The following SESTD1 variants were observed in gnomAD, a reference collection of about 807,000 sequenced individuals.
SESTD1 encodes the protein SEC14 and spectrin domain containing 1, also known as SEC14 domain and spectrin repeat-containing protein 1.
SESTD1 carries 43 observed loss-of-function variants against 101.7 expected under a neutral mutation model. The ratio of observed to expected loss-of-function variants is 0.42; its 90% confidence interval spans 0.33 to 0.55. SESTD1 has a LOEUF of 0.55. SESTD1 is among the 20% of genes least tolerant of loss of function. SESTD1 has a pLI of 0.07. For synonymous variants in SESTD1, 283 were observed against 286.8 expected, an observed-to-expected ratio of 0.99 and a Z score of 0.13; for missense variants, 647 against 815.1, an observed-to-expected ratio of 0.79 and a Z score of 2.51.
At position 179,149,449 on chromosome 2, in the gene SESTD1, A is replaced by G. The variant is rs548824699; in HGVS notation, c.484-55T>C. On this transcript the variant is annotated intron_variant, in intron 6 of 17. Transcript: ENST00000428443. ...GAACAGTCTTAAAAATTAATATGTA[A>G]TAAGGATTGTCAGTTAAGAGTAATA... The G allele has an allele frequency of 3.3e-6, 4 of 1,213,558 alleles. No homozygotes were observed. The African/African-American group carries it at 4.7e-5, about 14-fold the overall frequency. The allele number at this position is 1,213,558 out of a possible 1,614,324, so 75.2% of individuals were successfully genotyped here. A position where few individuals can be genotyped will look rare whatever the true frequency, so the allele number is the denominator to read the frequency against.
chr2:179,134,465 G>A (rs2045091833), intron 9 of SESTD1, among the ~76,000 whole-genome samples: 1 of 152,132 alleles, frequency 6.6e-6, no homozygotes, highest in African/African-American at 2.4e-5. Context: ...TAAGAGCTAA[G>A]TAACGTACTG....
At chr2:179,199,647 C>A (rs983456083) in intron 1 of SESTD1, among the ~76,000 whole-genome samples, 1 of 152,008 alleles carries the variant, frequency 6.6e-6, no homozygotes, top group Non-Finnish European at 1.5e-5. Context: ...AAGGCTGGTT[C>A]AATATACACA....
chr2:179,195,045 G>A (rs1320315181), intron 1 of SESTD1, among the ~76,000 whole-genome samples: 1 of 152,146 alleles, frequency 6.6e-6, no homozygotes, highest in Non-Finnish European at 1.5e-5. Context: ...CAAGAGACAG[G>A]CTTAACTGCT....
intron 5 of SESTD1, among the ~76,000 whole-genome samples, chr2:179,159,599 C>G (rs952124201): frequency 7.9e-5 from 12 of 152,094 alleles, no homozygotes; most frequent in African/African-American, 2.7e-4. Context: ...CAGGGTAATG[C>G]AACAAAACAA....
At chr2:179,147,014 A>G (rs974485300) in intron 7 of SESTD1, among the ~76,000 whole-genome samples, 1 of 152,082 alleles carries the variant, frequency 6.6e-6, no homozygotes. Context: ...TTTCCTAAAC[A>G]CATACAGGAA....
At chr2:179,125,936 C>A (rs534067344) in intron 10 of SESTD1, among the ~76,000 whole-genome samples, 2 of 152,264 alleles carry the variant, frequency 1.3e-5, no homozygotes, top group African/African-American at 4.8e-5. Context: ...TCTTCTAAGG[C>A]CAACCACTCC....
chr2:179,146,905 GT>G (rs763219054), intron 7 of SESTD1, among the ~76,000 whole-genome samples: 654 of 32,894 alleles, frequency 0.02, 2 homozygotes, highest in African/African-American at 0.061. Flanking sequence ...TATTCCAGGG[GT>G]GTGTGTGTGT....
intron 1 of SESTD1, among the ~76,000 whole-genome samples, chr2:179,246,780 G>C (rs1175114386): frequency 6.6e-6 from 1 of 152,064 alleles, no homozygotes; most frequent in East Asian, 1.9e-4. Flanking sequence ...ACTCAAACTA[G>C]AAATCAATAA....
At chr2:179,204,504 GACAA>G (rs1240016342) in intron 1 of SESTD1, among the ~76,000 whole-genome samples, 3 of 134,440 alleles carry the variant, frequency 2.2e-5, no homozygotes, top group Non-Finnish European at 4.8e-5. Flanking sequence ...GAGAATTCCT[GACAA>G]ACAACTTTTT....
intron 9 of SESTD1, among the ~76,000 whole-genome samples, chr2:179,137,476 C>G (rs1053036333): frequency 6.6e-6 from 1 of 152,188 alleles, no homozygotes; most frequent in Non-Finnish European, 1.5e-5. Flanking sequence ...TTCCTCTCTA[C>G]AGAGGAAGAA....
chr2:179,248,380 T>C (rs1377506780), intron 1 of SESTD1, among the ~76,000 whole-genome samples: 3 of 152,154 alleles, frequency 2.0e-5, no homozygotes, highest in Non-Finnish European at 4.4e-5. Flanking sequence ...CTACACCAGA[T>C]ACAGAAGAGG....
chr2:179,258,875 T>C (rs1300491846), intron 1 of SESTD1, among the ~76,000 whole-genome samples: 1 of 152,238 alleles, frequency 6.6e-6, no homozygotes, highest in Non-Finnish European at 1.5e-5. Context: ...TTGGGACACA[T>C]TAACAATCCT....
At chr2:179,234,102 G>A (rs1377858513) in intron 1 of SESTD1, among the ~76,000 whole-genome samples, 1 of 152,172 alleles carries the variant, frequency 6.6e-6, no homozygotes, top group Non-Finnish European at 1.5e-5. Context: ...GAAAGCATGA[G>A]TAGAACAAAA....
At chr2:179,263,478 G>C (rs1339965869) in intron 1 of SESTD1, among the ~76,000 whole-genome samples, 1 of 152,154 alleles carries the variant, frequency 6.6e-6, no homozygotes, top group East Asian at 1.9e-4. Flanking sequence ...ATAAGGATTA[G>C]GATTTTGAGT....
intron 9 of SESTD1, among the ~76,000 whole-genome samples, chr2:179,139,378 T>G (rs980574023): frequency 3.3e-5 from 5 of 152,138 alleles, no homozygotes; most frequent in African/African-American, 1.2e-4. Context: ...TGGACTCATC[T>G]AAAACCGCCC....
intron 10 of SESTD1, among the ~76,000 whole-genome samples, chr2:179,126,812 C>T (rs1036662864): frequency 2.0e-5 from 3 of 152,096 alleles, no homozygotes; most frequent in East Asian, 1.9e-4. Context: ...CTGTTCCTCT[C>T]GCAGTCCTCC....
chr2:179,113,216 T>C (rs928031597), intron 16 of SESTD1, among the ~76,000 whole-genome samples: 2 of 152,124 alleles, frequency 1.3e-5, no homozygotes, highest in East Asian at 3.8e-4. Context: ...TATTGAACAG[T>C]TTATGTTTAT....
chr2:179,191,756 A>G lies in SESTD1; in HGVS notation c.55+31T>C, dbSNP rs779835556. 6 of 1,587,018 alleles carry G rather than the reference A, an allele frequency of 3.8e-6. No individual in the cohort carries two copies. In the South Asian group the frequency reaches 4.5e-5, roughly 12 times the overall value. On this transcript the variant is annotated intron_variant, in intron 2 of 17. Coordinates refer to ENST00000428443, the MANE Select transcript of SESTD1 (RefSeq NM_178123.5). ...GAAACTATTAAAAAGTTTGTATATC[A>G]AACACTTCAAATTTTAAGAAGAAAT...
chr2:179,218,311 G>T (rs1344435711), intron 1 of SESTD1, among the ~76,000 whole-genome samples: 2 of 151,730 alleles, frequency 1.3e-5, no homozygotes, highest in African/African-American at 4.8e-5. Context: ...AAAAAAACTT[G>T]TCTTGTAAAG....
Sources: gnomAD v4.1 joint callset for allele counts (sites outside exome capture counted in the v4.1 genomes callset) on GRCh38, gnomAD v4.1.1 for gene constraint, MANE v1.5 for transcripts, NCBI Gene and HGNC (gene_info 2026-07-23, HGNC 2026-07-21) for gene names.